Variants in MAGI2 observed in about 807,000 individuals in gnomAD.
MAGI2 encodes membrane associated guanylate kinase, WW and PDZ domain containing 2.
A neutral mutation model predicts 133.3 loss-of-function variants in MAGI2; 35 were observed. That is an observed-to-expected ratio of 0.26 (90% CI 0.20 to 0.35). MAGI2 has a LOEUF of 0.35. MAGI2 is among the 10% of genes least tolerant of loss of function. MAGI2 has a pLI of 1.00. For missense variants in MAGI2, 1,636 were observed against 1,863.4 expected (o/e 0.88, Z 2.25); for synonymous variants, 729 against 710.6 (o/e 1.03, Z -0.41).
chr7:78,984,011 A>G (rs993494044), intron 2 of MAGI2, among the ~76,000 whole-genome samples: 1 of 152,016 alleles, frequency 6.6e-6, no homozygotes. Context: ...CTCAAATTTA[A>G]TATTTCCCTC....
chr7:79,008,264 T>C (rs374806945), intron 1 of MAGI2, among the ~76,000 whole-genome samples: 16 of 152,138 alleles, frequency 1.1e-4, no homozygotes, highest in African/African-American at 3.6e-4. Flanking sequence ...GTCTCAGAAT[T>C]AGAATTCATG....
chr7:78,684,899 G>A (rs1300191428), intron 2 of MAGI2, among the ~76,000 whole-genome samples: 1 of 152,034 alleles, frequency 6.6e-6, no homozygotes, highest in East Asian at 1.9e-4. Flanking sequence ...AAGCAAGCAG[G>A]TAATTAGTAC....
chr7:79,212,320 G>T (rs1585213224), intron 1 of MAGI2, among the ~76,000 whole-genome samples: 1 of 152,024 alleles, frequency 6.6e-6, no homozygotes, highest in East Asian at 1.9e-4. Context: ...AGATATTTTG[G>T]CTCATCTATT....
At chr7:78,077,496 C>T (rs1362441309) in intron 21 of MAGI2, among the ~76,000 whole-genome samples, 1 of 146,800 alleles carries the variant, frequency 6.8e-6, no homozygotes, top group Non-Finnish European at 1.5e-5. Context: ...TAGAGCCAGC[C>T]CTGCAGAAAC....
intron 16 of MAGI2, among the ~76,000 whole-genome samples, chr7:78,142,778 A>G (rs1328735668): frequency 6.6e-6 from 1 of 152,200 alleles, no homozygotes; most frequent in Non-Finnish European, 1.5e-5. Flanking sequence ...AATAGTCATG[A>G]TCCTCAAATC....
At chr7:79,438,766 C>G (rs1419908612) in intron 1 of MAGI2, among the ~76,000 whole-genome samples, 1 of 152,094 alleles carries the variant, frequency 6.6e-6, no homozygotes, top group Non-Finnish European at 1.5e-5. Context: ...CATGCCAAAA[C>G]TTAAGCCTTG....
chr7:78,171,917 C>A (rs779355741), intron 14 of MAGI2, among the ~76,000 whole-genome samples: 25 of 151,912 alleles, frequency 1.6e-4, no homozygotes, highest in Non-Finnish European at 3.1e-4. Context: ...TTTTCCCTAT[C>A]CCCATTGTTT....
intron 2 of MAGI2, among the ~76,000 whole-genome samples, chr7:78,811,504 A>C (rs1789044781): frequency 6.6e-6 from 1 of 151,738 alleles, no homozygotes; most frequent in Non-Finnish European, 1.5e-5. Context: ...CATTTTTCTT[A>C]GAATTTGGGA....
At position 79,091,177 on chromosome 7, in the gene MAGI2, GT is replaced by G. The variant is rs1274483197; in HGVS notation, c.302-83972del. On this transcript the variant is annotated intron_variant, in intron 1 of 21. Coordinates refer to ENST00000354212, the MANE Select transcript of MAGI2 (RefSeq NM_012301.4). ...TTCTCAGAGTTTCCAAGATTTTTCA[GT>G]GTTGATTACGTTGTCTCTCAAGCTC... Among the ~76,000 whole-genome samples the G allele has an allele frequency of 2.0e-5, 3 of 152,092 alleles. No homozygotes were observed. In the East Asian group the frequency reaches 5.8e-4, roughly 29 times the overall value.
intron 3 of MAGI2, among the ~76,000 whole-genome samples, chr7:78,538,486 T>C (rs1160307098): frequency 1.3e-5 from 2 of 152,250 alleles, no homozygotes; most frequent in Non-Finnish European, 2.9e-5. Flanking sequence ...TTCATTTGTG[T>C]TGTCCATGAG....
At chr7:78,760,516 C>A (rs1193427256) in intron 2 of MAGI2, among the ~76,000 whole-genome samples, 1 of 152,016 alleles carries the variant, frequency 6.6e-6, no homozygotes, top group Non-Finnish European at 1.5e-5. Context: ...ATATGCACCA[C>A]CGTACCTGGC....
At chr7:79,074,091 A>AG (rs1328249993) in intron 1 of MAGI2, among the ~76,000 whole-genome samples, 1 of 152,198 alleles carries the variant, frequency 6.6e-6, no homozygotes, top group Non-Finnish European at 1.5e-5. Context: ...TACAAGTTTC[A>AG]GAAAAAAAGG....
chr7:78,435,630 GCAA>G, intron 6 of MAGI2, among the ~76,000 whole-genome samples: 1 of 152,112 alleles, frequency 6.6e-6, no homozygotes, highest in African/African-American at 2.4e-5. Flanking sequence ...CACCAAAGCT[GCAA>G]ATACCACCTT....
intron 10 of MAGI2, chr7:78,255,516 G>A (rs1792875936): frequency 2.7e-5 from 9 of 328,346 alleles, no homozygotes; most frequent in South Asian, 9.3e-5. Context: ...GGGTTGAACT[G>A]GCTTCCACCT....
intron 3 of MAGI2, among the ~76,000 whole-genome samples, chr7:78,594,412 C>T (rs1044622733): frequency 6.6e-6 from 1 of 152,074 alleles, no homozygotes; most frequent in Admixed American, 6.6e-5. Flanking sequence ...TTTGTCCAGG[C>T]TTTTTCCGGG....
At chr7:78,171,897 G>GTT (rs1265168548) in intron 14 of MAGI2, among the ~76,000 whole-genome samples, 3 of 88,734 alleles carry the variant, frequency 3.4e-5, no homozygotes, top group Non-Finnish European at 7.0e-5. Flanking sequence ...TTGTTTGTTT[G>GTT]TTTGTTTTTT....
chr7:79,260,369 TACATACATACATAC>T, intron 1 of MAGI2, among the ~76,000 whole-genome samples: 1 of 6,274 alleles, frequency 1.6e-4, no homozygotes, highest in Admixed American at 1.5e-3. Flanking sequence ...AGTAAATACA[TACATACATACATAC>T]ATACATACAT....
Position 79,453,449 on chromosome 7 carries a change from A to C in MAGI2, c.-129T>G, listed in dbSNP as rs1024192842. On this transcript the variant is annotated 5_prime_UTR_variant, in exon 1 of 22. Coordinates refer to ENST00000354212, the MANE Select transcript of MAGI2 (RefSeq NM_012301.4). ...GCAGACTTTGCCTTCGCCCCCCTCT[A>C]TTCGGTGCTTTCCCTCTTCTTTGGA... The C allele has an allele frequency of 6.7e-7, 1 of 1,485,128 alleles. No homozygotes were observed. The highest frequency in any genetic ancestry group is 1.4e-5 in the African/African-American group (1 of 71,176). The allele number at this position is 1,485,128 out of a possible 1,614,324, so 92.0% of individuals were successfully genotyped here.
At chr7:78,047,555 T>C (rs993802406) in intron 21 of MAGI2, among the ~76,000 whole-genome samples, 2 of 152,250 alleles carry the variant, frequency 1.3e-5, no homozygotes, top group Non-Finnish European at 2.9e-5. Context: ...CTGTTTTCCC[T>C]TAATCTGGTA....
Sources: gnomAD v4.1 joint callset for allele counts (sites outside exome capture counted in the v4.1 genomes callset) on GRCh38, gnomAD v4.1.1 for gene constraint, MANE v1.5 for transcripts, NCBI Gene and HGNC (gene_info 2026-07-23, HGNC 2026-07-21) for gene names.